Variants in GRM7 observed in about 807,000 individuals in gnomAD.
The protein encoded by GRM7 is glutamate metabotropic receptor 7.
Under a neutral mutation model 84.5 loss-of-function variants are expected in GRM7, and 35 were observed. The ratio of observed to expected loss-of-function variants is 0.41; its 90% CI spans 0.32 to 0.55. The LOEUF (loss-of-function observed/expected upper bound fraction) is 0.55. Ranked by LOEUF, GRM7 falls within the 20% of genes least tolerant of loss-of-function variation. The pLI is 0.19. For synonymous variants in GRM7, 487 were observed against 455.1 expected (o/e 1.07, Z -0.89); for missense variants, 1,003 against 1,194.6 (o/e 0.84, Z 2.36).
chr3:7,646,990 G>T (rs989748936), intron 8 of GRM7, among the ~76,000 whole-genome samples: 1 of 152,110 alleles, frequency 6.6e-6, no homozygotes, highest in East Asian at 1.9e-4. Flanking sequence ...CTGGGTCAAG[G>T]GCCAAAGTTC....
intron 1 of GRM7, among the ~76,000 whole-genome samples, chr3:6,936,314 G>A (rs1189796465): frequency 6.6e-6 from 1 of 152,128 alleles, no homozygotes; most frequent in Non-Finnish European, 1.5e-5. Context: ...CCCATAAACA[G>A]CTTTTCCTGG....
At chr3:7,474,836 C>A (rs1223510229) in intron 7 of GRM7, among the ~76,000 whole-genome samples, 4 of 152,102 alleles carry the variant, frequency 2.6e-5, no homozygotes, top group African/African-American at 9.7e-5. Context: ...AAGAGCTGCT[C>A]CTTAAAAGAT....
intron 1 of GRM7, among the ~76,000 whole-genome samples, chr3:7,116,100 TTCAGGG>T (rs1352133715): frequency 6.6e-6 from 1 of 152,132 alleles, no homozygotes; most frequent in Non-Finnish European, 1.5e-5. Context: ...ATCAGCATAT[TTCAGGG>T]GTGCATACCT....
At chr3:7,220,731 T>C (rs930355093) in intron 2 of GRM7, among the ~76,000 whole-genome samples, 1 of 152,218 alleles carries the variant, frequency 6.6e-6, no homozygotes, top group Non-Finnish European at 1.5e-5. Context: ...GACTGGGTGG[T>C]GTGATGTGCC....
chr3:7,236,262 G>A (rs1697345128), intron 2 of GRM7, among the ~76,000 whole-genome samples: 1 of 152,142 alleles, frequency 6.6e-6, no homozygotes, highest in South Asian at 2.1e-4. Context: ...AACCATAGTA[G>A]GCAGTAACAT....
intron 1 of GRM7, among the ~76,000 whole-genome samples, chr3:7,006,475 G>T (rs1695185741): frequency 6.6e-6 from 1 of 152,182 alleles, no homozygotes; most frequent in African/African-American, 2.4e-5. Context: ...AGATTGTAAA[G>T]ACTGTTCATC....
chr3:7,623,922 A>G (rs1282696474), intron 8 of GRM7, among the ~76,000 whole-genome samples: 1 of 152,160 alleles, frequency 6.6e-6, no homozygotes, highest in Non-Finnish European at 1.5e-5. Context: ...CTAGGTGGGT[A>G]TGTGCAGCTC....
chr3:7,281,011 A>G (rs939964965), intron 2 of GRM7, among the ~76,000 whole-genome samples: 3 of 152,046 alleles, frequency 2.0e-5, no homozygotes, highest in Admixed American at 2.0e-4. Context: ...AAAAAATAAA[A>G]AGTGTCTGTT....
chr3:6,901,988 T>A (rs1037185319), intron 1 of GRM7, among the ~76,000 whole-genome samples: 3 of 152,264 alleles, frequency 2.0e-5, no homozygotes, highest in Non-Finnish European at 2.9e-5. Context: ...AACTTTTTTT[T>A]ATTTGCCCTA....
chr3:7,194,426 G>T (rs1242874939), intron 2 of GRM7, among the ~76,000 whole-genome samples: 1 of 152,132 alleles, frequency 6.6e-6, no homozygotes, highest in African/African-American at 2.4e-5. Flanking sequence ...TACTATGATT[G>T]TTGTTGTTAT....
chr3:6,973,110 T>C (rs1278618765), intron 1 of GRM7, among the ~76,000 whole-genome samples: 1 of 152,208 alleles, frequency 6.6e-6, no homozygotes, highest in Non-Finnish European at 1.5e-5. Flanking sequence ...TAAAGACTGG[T>C]GGTAAGGCAA....
At chr3:7,079,677 G>A (rs934505033) in intron 1 of GRM7, among the ~76,000 whole-genome samples, 42 of 152,274 alleles carry the variant, frequency 2.8e-4, no homozygotes, top group African/African-American at 9.1e-4. Context: ...AACTGGATAA[G>A]GGTGAGTTTA....
chr3:7,162,095 G>C (rs1413415529), intron 2 of GRM7, among the ~76,000 whole-genome samples: 1 of 152,160 alleles, frequency 6.6e-6, no homozygotes, highest in African/African-American at 2.4e-5. Context: ...ATGGGGTAGG[G>C]ATCGAGAGCC....
intron 5 of GRM7, among the ~76,000 whole-genome samples, chr3:7,422,593 A>T (rs929836710): frequency 6.6e-6 from 1 of 152,076 alleles, no homozygotes; most frequent in Non-Finnish European, 1.5e-5. Context: ...CGAGGAGACT[A>T]ATTTAGATCC....
At chr3:7,572,616 G>A (rs929634281) in intron 7 of GRM7, among the ~76,000 whole-genome samples, 17 of 151,224 alleles carry the variant, frequency 1.1e-4, no homozygotes, top group African/African-American at 3.2e-4. Context: ...TCAGGAGATC[G>A]AGATTATCCT....
At chr3:7,665,719 A>C (rs1699671774) in intron 8 of GRM7, among the ~76,000 whole-genome samples, 1 of 152,164 alleles carries the variant, frequency 6.6e-6, no homozygotes, top group South Asian at 2.1e-4. Context: ...AGTGAGCTTT[A>C]GAGTCCCAAA....
chr3:7,107,117 T>C (rs921883551), intron 1 of GRM7, among the ~76,000 whole-genome samples: 2 of 152,014 alleles, frequency 1.3e-5, no homozygotes, highest in Non-Finnish European at 1.5e-5. Flanking sequence ...ACTCAAAACA[T>C]GTAACATTTA....
At chr3:7,047,443 T>G (rs897387105) in intron 1 of GRM7, among the ~76,000 whole-genome samples, 13 of 152,072 alleles carry the variant, frequency 8.5e-5, no homozygotes, top group African/African-American at 3.1e-4. Flanking sequence ...TGGAGTCGTA[T>G]AGTCCAACCA....
intron 8 of GRM7, among the ~76,000 whole-genome samples, chr3:7,672,596 ATATACTTT>A (rs1699961042): frequency 6.9e-6 from 1 of 145,178 alleles, no homozygotes; most frequent in South Asian, 2.2e-4. Context: ...AGGAGTTTTA[ATATACTTT>A]TTTTTTTTTT....
Sources: gnomAD v4.1 joint callset for allele counts (sites outside exome capture counted in the v4.1 genomes callset) on GRCh38, gnomAD v4.1.1 for gene constraint, MANE v1.5 for transcripts, NCBI Gene and HGNC (gene_info 2026-07-23, HGNC 2026-07-21) for gene names.